Variants in TMEM132B observed in about 807,000 individuals in gnomAD.
The protein encoded by TMEM132B is transmembrane protein 132B.
A neutral mutation model predicts 90.8 loss-of-function variants in TMEM132B; 18 were observed. The observed-to-expected ratio is 0.20, with a 90% CI of 0.14 to 0.29. TMEM132B has a LOEUF of 0.29. TMEM132B is among the 10% of genes least tolerant of loss of function. TMEM132B has a pLI of 1.00. For synonymous variants in TMEM132B, 504 were observed against 523.3 expected, an observed-to-expected ratio of 0.96 and a Z score of 0.50; for missense variants, 1,096 against 1,326.8, an observed-to-expected ratio of 0.83 and a Z score of 2.70.
chr12:125,220,838 CA>C (rs1301431011), intron 1 of TMEM132B, among the ~76,000 whole-genome samples: 1 of 152,264 alleles, frequency 6.6e-6, no homozygotes, highest in Non-Finnish European at 1.5e-5. Context: ...CCAGCTCGCT[CA>C]GAGTAAAAAC....
chr12:125,648,091 C>G (rs1221626815), intron 6 of TMEM132B, among the ~76,000 whole-genome samples: 2 of 119,098 alleles, frequency 1.7e-5, no homozygotes, highest in Non-Finnish European at 3.2e-5. Context: ...GTGTGATATT[C>G]CCCTTCCTGT....
At chr12:125,646,428 A>G (rs888030874) in intron 6 of TMEM132B, among the ~76,000 whole-genome samples, 23 of 152,266 alleles carry the variant, frequency 1.5e-4, no homozygotes, top group African/African-American at 5.1e-4. Flanking sequence ...TGTGCTTTAA[A>G]CAAAAGGCCA....
At chr12:125,543,350 C>T (rs1359972724) in intron 4 of TMEM132B, among the ~76,000 whole-genome samples, 1 of 152,118 alleles carries the variant, frequency 6.6e-6, no homozygotes, top group Non-Finnish European at 1.5e-5. Flanking sequence ...CAACAATAAA[C>T]AATACAAATT....
At chr12:125,380,756 C>G (rs1336327490) in intron 2 of TMEM132B, among the ~76,000 whole-genome samples, 1 of 152,224 alleles carries the variant, frequency 6.6e-6, no homozygotes, top group Admixed American at 6.5e-5. Flanking sequence ...CGCAGCCCTC[C>G]CACCCATGGT....
intron 3 of TMEM132B, among the ~76,000 whole-genome samples, chr12:125,422,216 T>C (rs900288853): frequency 6.6e-6 from 1 of 152,142 alleles, no homozygotes; most frequent in Non-Finnish European, 1.5e-5. Flanking sequence ...ATATGGAACG[T>C]TATTATTATT....
At chr12:125,463,465 A>G (rs1256917688) in intron 3 of TMEM132B, among the ~76,000 whole-genome samples, 1 of 152,114 alleles carries the variant, frequency 6.6e-6, no homozygotes, top group African/African-American at 2.4e-5. Context: ...CACATTTTTC[A>G]TTTATAAAAT....
At chr12:125,243,151 AAT>A (rs1565982413) in intron 1 of TMEM132B, among the ~76,000 whole-genome samples, 30 of 130,372 alleles carry the variant, frequency 2.3e-4, no homozygotes, top group African/African-American at 8.8e-4. Flanking sequence ...ATATATATAT[AAT>A]TTTTTTTTTT....
At chr12:125,192,156 C>T (rs1010859049) in intron 1 of TMEM132B, among the ~76,000 whole-genome samples, 3 of 152,182 alleles carry the variant, frequency 2.0e-5, no homozygotes, top group East Asian at 1.9e-4. Flanking sequence ...TTTTATTTCA[C>T]GGATTCTTCA....
chr12:125,519,863 A>T (rs1883264145), intron 4 of TMEM132B, among the ~76,000 whole-genome samples: 1 of 152,060 alleles, frequency 6.6e-6, no homozygotes, highest in Non-Finnish European at 1.5e-5. Context: ...GGGAGCCCTT[A>T]TTCTTTATTT....
intron 2 of TMEM132B, among the ~76,000 whole-genome samples, chr12:125,371,833 T>C (rs1878299885): frequency 6.6e-6 from 1 of 152,194 alleles, no homozygotes; most frequent in Non-Finnish European, 1.5e-5. Flanking sequence ...TAGCAGGGTA[T>C]TGTTTGGTTA....
At chr12:125,564,693 C>T (rs1884621501) in intron 4 of TMEM132B, among the ~76,000 whole-genome samples, 1 of 152,202 alleles carries the variant, frequency 6.6e-6, no homozygotes, top group Non-Finnish European at 1.5e-5. Flanking sequence ...CCAGCACTTA[C>T]CACTTTCCTG....
chr12:125,214,916 G>A (rs1440090618), intron 1 of TMEM132B, among the ~76,000 whole-genome samples: 2 of 152,270 alleles, frequency 1.3e-5, no homozygotes, highest in South Asian at 2.1e-4. Flanking sequence ...CTCTGTGCTC[G>A]GTCTCCACAT....
chr12:125,467,042 G>A (rs1249423790), intron 3 of TMEM132B, among the ~76,000 whole-genome samples: 1 of 152,196 alleles, frequency 6.6e-6, no homozygotes, highest in African/African-American at 2.4e-5. Context: ...TGCTGGGATG[G>A]GCATATGGTC....
At chr12:125,318,600 A>G (rs1876346913) in intron 1 of TMEM132B, among the ~76,000 whole-genome samples, 1 of 151,882 alleles carries the variant, frequency 6.6e-6, no homozygotes, top group Non-Finnish European at 1.5e-5. Flanking sequence ...TCCCACTTAT[A>G]AGTGAGAACA....
chr12:125,253,072 CTTG>C (rs780422703), intron 1 of TMEM132B, among the ~76,000 whole-genome samples: 9 of 152,188 alleles, frequency 5.9e-5, no homozygotes, highest in Admixed American at 1.3e-4. Flanking sequence ...TGTGAGCTGT[CTTG>C]TTGTAAGAAA....
chr12:125,206,188 C>A (rs2136061807), intron 1 of TMEM132B, among the ~76,000 whole-genome samples: 1 of 152,262 alleles, frequency 6.6e-6, no homozygotes, highest in East Asian at 1.9e-4. Context: ...CTCAGAGGCA[C>A]CAGATGCCCC....
chr12:125,216,563 C>G (rs148323608), intron 1 of TMEM132B, among the ~76,000 whole-genome samples: 1 of 152,316 alleles, frequency 6.6e-6, no homozygotes, highest in African/African-American at 2.4e-5. Context: ...AAAATCAGTG[C>G]TGAGATGTCT....
At chr12:125,341,379 TTAAG>T (rs1326106264) in intron 1 of TMEM132B, among the ~76,000 whole-genome samples, 1 of 152,212 alleles carries the variant, frequency 6.6e-6, no homozygotes, top group East Asian at 1.9e-4. Context: ...ATTACAAGGA[TTAAG>T]TAACTGATGA....
In TMEM132B at chr12:125,658,292, T is replaced by C. The variant is rs1273950801; in HGVS notation, c.*3582T>C. On this transcript the variant is annotated 3_prime_UTR_variant, in exon 9 of 9. Coordinates refer to ENST00000682704, the MANE Select transcript of TMEM132B (RefSeq NM_001366854.1). Reference sequence around the variant, plus strand: ...CTTTTAGAATGTCCACCTTTGTGCATTTTGGTAGCATTCTTGTTTCATTAT... The same window carrying C: ...CTTTTAGAATGTCCACCTTTGTGCACTTTGGTAGCATTCTTGTTTCATTAT... The C allele has an allele frequency of 3.3e-5, 5 of 152,260 alleles. No homozygotes were observed. Among genetic ancestry groups the C allele is most frequent in the Non-Finnish European group, 5.9e-5 (4 of 68,038 alleles). 9.4% of individuals were successfully genotyped at this position (152,260 alleles called of 1,614,324 possible).
Sources: allele counts gnomAD v4.1 joint callset (sites outside exome capture counted in the v4.1 genomes callset), GRCh38; gene constraint gnomAD v4.1.1; transcripts MANE v1.5; gene names NCBI Gene and HGNC (gene_info 2026-07-23, HGNC 2026-07-21).